Variants in TRIP12 observed in about 807,000 individuals in gnomAD.
TRIP12 encodes thyroid hormone receptor interactor 12.
In TRIP12, 25 loss-of-function variants were observed where a neutral mutation model predicts 244.2. The observed-to-expected ratio is 0.10, with a 90% CI of 0.07 to 0.14. TRIP12 has a LOEUF of 0.14. Ranked by LOEUF, TRIP12 falls within the 10% of genes least tolerant of loss-of-function variation. TRIP12 has a pLI of 1.00. For missense variants in TRIP12, 1,677 were observed against 2,486.4 expected (o/e 0.67, Z 6.92); for synonymous variants, 905 against 873.1 (o/e 1.04, Z -0.64).
chr2:229,803,539 G>C (rs368737337), intron 20 of TRIP12, 32 bp downstream of exon 20: 2 of 1,381,238 alleles, frequency 1.4e-6, no homozygotes, highest in Non-Finnish European at 2.0e-6. Flanking sequence ...GTACTATCTA[G>C]ACTAAATGAC....
intron 26 of TRIP12, among the ~76,000 whole-genome samples, chr2:229,794,524 CTAGTG>C (rs1233224395): frequency 1.3e-5 from 2 of 152,018 alleles, no homozygotes; most frequent in African/African-American, 2.4e-5. Context: ...CATGTTCACA[CTAGTG>C]TAATTTGGCT....
Position 229,812,799 on chromosome 2 carries a change from TCAAAAA to T in TRIP12, c.1986+1065_1986+1070del, listed in dbSNP as rs945548886. ...CTGGGCAACAGAGTAAGACTCAGTC[TCAAAAA>T]CAAAAACAAAACAGAACAAAAAAAA... On this transcript the variant is annotated intron_variant, in intron 13 of 41. Transcript: ENST00000675903. Among the ~76,000 whole-genome samples the T allele has an allele frequency of 6.3e-4, 96 of 152,030 alleles. 1 individual carries two copies. Among genetic ancestry groups the T allele is most frequent in the African/African-American group, 2.1e-3 (89 of 41,454 alleles).
intron 8 of TRIP12, 44 bp from the exon 9 acceptor site, chr2:229,818,556 A>G: frequency 6.4e-7 from 1 of 1,558,830 alleles, no homozygotes; most frequent in South Asian, 1.2e-5. Flanking sequence ...ATTTAAGAAA[A>G]TTATTACTAG....
At chr2:229,803,408 C>T (rs1300458195) in intron 20 of TRIP12, among the ~76,000 whole-genome samples, 163 bp downstream of exon 20, 2 of 152,146 alleles carry the variant, frequency 1.3e-5, no homozygotes, top group African/African-American at 4.8e-5. Flanking sequence ...GCCACCACGC[C>T]CAGCCTAAAA....
intron 1 of TRIP12, among the ~76,000 whole-genome samples, chr2:229,898,948 C>G (rs2069763625): frequency 6.6e-6 from 1 of 152,220 alleles, no homozygotes; most frequent in Non-Finnish European, 1.5e-5. Context: ...AACGTTCCTC[C>G]AACCTTGGCC....
In TRIP12 at chr2:229,858,295, G is replaced by A. The variant is rs150967492; in HGVS notation, c.1027+477C>T. ...AGAGGATTGCTTAAGCCCAGGAGGC[G>A]GAGGTTGCAGTGAGCCGAGACTGCG... On this transcript the variant is annotated intron_variant, in intron 4 of 41. Coordinates refer to ENST00000675903, the MANE Select transcript of TRIP12 (RefSeq NM_001348323.3). Among the ~76,000 whole-genome samples, 451 of 152,230 alleles carry A rather than the reference G, an allele frequency of 3.0e-3. 2 individuals are homozygous for A. The highest frequency in any genetic ancestry group is 0.01 in the African/African-American group (427 of 41,532).
In TRIP12 at chr2:229,787,570, T is replaced by G; in HGVS notation, c.4930A>C (p.Asn1644His). ...GAATCAGACTGGTTGATTTCTGGGT[T>G]GGTATCAAGTAATCTTTGCATTGCT... ...DRAMQRLLDTNPEINQSDSQD... is the reference protein window; with the variant it reads ...DRAMQRLLDTHPEINQSDSQD... The change falls in exon 33 of 42, where the codon AAC (asparagine) becomes CAC (histidine). Residue 1644 changes from asparagine to histidine, a missense_variant. Coordinates refer to ENST00000675903, the MANE Select transcript of TRIP12 (RefSeq NM_001348323.3). 1 of 1,614,028 alleles carries G rather than the reference T, an allele frequency of 6.2e-7. No individual in the cohort carries two copies. The highest frequency in any genetic ancestry group is 1.1e-5 in the South Asian group (1 of 91,040).
At chr2:229,866,269 A>T (rs573112025) in intron 2 of TRIP12, among the ~76,000 whole-genome samples, 1 of 152,330 alleles carries the variant, frequency 6.6e-6, no homozygotes, top group South Asian at 2.1e-4. Flanking sequence ...TGGCAGCTTT[A>T]CCAAGAGTCA....
upstream of TRIP12, chr2:229,922,573 C>T: frequency 1.9e-6 from 3 of 1,614,112 alleles, no homozygotes; most frequent in Non-Finnish European, 2.5e-6. Context: ...CGCCGCCTAG[C>T]AAAGACTATT....
intron 1 of TRIP12, among the ~76,000 whole-genome samples, chr2:229,903,743 G>A (rs1191039583): frequency 2.0e-5 from 3 of 151,048 alleles, no homozygotes; most frequent in Non-Finnish European, 2.9e-5. Flanking sequence ...GGCCAGGCGC[G>A]GTGGCTCATT....
At chr2:229,855,019 T>A (rs2059350195) in intron 4 of TRIP12, among the ~76,000 whole-genome samples, 1 of 152,200 alleles carries the variant, frequency 6.6e-6, no homozygotes. Context: ...ATCCCAGCAT[T>A]CTGGGAGGCC....
intron 4 of TRIP12, among the ~76,000 whole-genome samples, chr2:229,849,968 G>T (rs1008937282): frequency 4.1e-5 from 6 of 147,832 alleles, no homozygotes; most frequent in African/African-American, 1.5e-4. Flanking sequence ...CTTGGTGAAT[G>T]AAATTAAAAG....
intron 34 of TRIP12, among the ~76,000 whole-genome samples, chr2:229,781,655 C>T (rs1453907735): frequency 2.0e-5 from 3 of 152,198 alleles, no homozygotes; most frequent in African/African-American, 7.2e-5. Context: ...TATAATCCTT[C>T]CCTGGCTTAC....
At chr2:229,855,139 T>C (rs1161155721) in intron 4 of TRIP12, among the ~76,000 whole-genome samples, 1 of 152,062 alleles carries the variant, frequency 6.6e-6, no homozygotes, top group African/African-American at 2.4e-5. Context: ...TGGTGGCGCG[T>C]GCCTATAATC....
intron 36 of TRIP12, among the ~76,000 whole-genome samples, chr2:229,777,891 G>A (rs1284539900): frequency 6.6e-6 from 1 of 152,158 alleles, no homozygotes; most frequent in East Asian, 1.9e-4. Flanking sequence ...GAGCACGGTG[G>A]CTCATGCCTG....
chr2:229,791,699 T>C (rs1248895444), intron 29 of TRIP12, 167 bp downstream of exon 29: 5 of 668,162 alleles, frequency 7.5e-6, no homozygotes, highest in South Asian at 3.9e-5. Flanking sequence ...AGGCTACATA[T>C]ACATATGCAC....
At chr2:229,837,984 T>C (rs2055277479) in intron 5 of TRIP12, among the ~76,000 whole-genome samples, 1 of 152,080 alleles carries the variant, frequency 6.6e-6, no homozygotes, top group Admixed American at 6.6e-5. Context: ...CCCCCAAAAT[T>C]ATTCAAACTT....
chr2:229,807,803 C>T lies in TRIP12; in HGVS notation c.2401G>A (p.Gly801Arg). 1 of 1,614,134 alleles carries T rather than the reference C, an allele frequency of 6.2e-7. No individual in the cohort carries two copies. The highest frequency in any genetic ancestry group is 8.5e-7 in the Non-Finnish European group (1 of 1,180,032). ...GCACCATCTGTGTTCTGTGCATTTC[C>T]CTTCTTCAACATGGTATCAACTGCA... ...IFAVDTMLKK[G>R]NAQNTDGAIW... The change falls in exon 17 of 42, where the codon GGA becomes AGA. Residue 801 changes from glycine (G) to arginine (R), a missense_variant. Coordinates refer to ENST00000675903, the MANE Select transcript of TRIP12 (RefSeq NM_001348323.3).
At chr2:229,792,307 C>T in intron 27 of TRIP12, 81 bp from the exon 28 acceptor site, 1 of 1,324,384 alleles carries the variant, frequency 7.6e-7, no homozygotes, top group Non-Finnish European at 1.1e-6. Flanking sequence ...ACTGGTTAAA[C>T]ATATTCTTAG....
Sources: gnomAD v4.1 joint callset for allele counts (sites outside exome capture counted in the v4.1 genomes callset) on GRCh38, gnomAD v4.1.1 for gene constraint, MANE v1.5 for transcripts, NCBI Gene and HGNC (gene_info 2026-07-23, HGNC 2026-07-21) for gene names.